Variants in SPAG16 observed in about 807,000 individuals in gnomAD.
The protein encoded by SPAG16 is sperm-associated antigen 16 protein.
A neutral mutation model predicts 80.4 loss-of-function variants in SPAG16; 86 were observed. The ratio of observed to expected loss-of-function variants is 1.07; its 90% CI spans 0.90 to 1.28. The LOEUF is 1.28. Among genes scored for constraint, SPAG16 ranks in the 50% most tolerant of loss-of-function variants. The pLI, the probability that SPAG16 is intolerant of heterozygous loss-of-function variation, is 0.00. For missense variants in SPAG16, 870 were observed against 765.3 expected, an observed-to-expected ratio of 1.14 and a Z score of -1.61; for synonymous variants, 294 against 265.9, an observed-to-expected ratio of 1.11 and a Z score of -1.03.
intron 13 of SPAG16, among the ~76,000 whole-genome samples, chr2:214,025,891 G>A (rs2048102056): frequency 6.6e-6 from 1 of 151,306 alleles, no homozygotes; most frequent in Non-Finnish European, 1.5e-5. Context: ...TAAATTTAAT[G>A]ATATAACAAA....
chr2:213,822,475 G>C lies in SPAG16; in HGVS notation c.1071-40010G>C, dbSNP rs538416773. Among the ~76,000 whole-genome samples, 11 of 152,110 alleles carry C rather than the reference G, an allele frequency of 7.2e-5. No individual in the cohort carries two copies. The South Asian group carries it at 2.1e-3, about 29-fold the overall frequency. ...GTTTGCAAATATTTTCTCCTATTCTGTTAGTTGACTCTTCACTGTGTTGAT... is the reference window on the plus strand; with the variant it reads ...GTTTGCAAATATTTTCTCCTATTCTCTTAGTTGACTCTTCACTGTGTTGAT... On this transcript the variant is annotated intron_variant, in intron 10 of 15. Transcript: ENST00000331683.
chr2:213,597,908 C>G (rs1172071440), intron 10 of SPAG16, among the ~76,000 whole-genome samples: 1 of 152,076 alleles, frequency 6.6e-6, no homozygotes, highest in Admixed American at 6.6e-5. Flanking sequence ...TTCTCTGAGG[C>G]TCTCCCTTTT....
chr2:214,002,776 A>G (rs896683297), intron 12 of SPAG16, among the ~76,000 whole-genome samples: 4 of 152,200 alleles, frequency 2.6e-5, no homozygotes, highest in Non-Finnish European at 5.9e-5. Flanking sequence ...TTTTAGTTAT[A>G]TTTATGCCCT....
intron 13 of SPAG16, among the ~76,000 whole-genome samples, chr2:214,066,215 C>CT (rs1341161254): frequency 2.6e-5 from 4 of 152,156 alleles, no homozygotes; most frequent in African/African-American, 7.2e-5. Context: ...CCACAGCCAC[C>CT]TTTCCTGGCT....
intron 10 of SPAG16, among the ~76,000 whole-genome samples, chr2:213,759,227 A>C (rs1384292207): frequency 6.6e-6 from 1 of 152,198 alleles, no homozygotes; most frequent in Non-Finnish European, 1.5e-5. Flanking sequence ...TAAAGAAATA[A>C]AGATCTTAAT....
chr2:213,950,103 T>A (rs2079671801), intron 12 of SPAG16, among the ~76,000 whole-genome samples: 1 of 152,214 alleles, frequency 6.6e-6, no homozygotes, highest in Admixed American at 6.5e-5. Flanking sequence ...TTCACCTGAA[T>A]ATTAAACTGT....
intron 9 of SPAG16, among the ~76,000 whole-genome samples, chr2:213,405,345 A>G (rs1268800032): frequency 1.3e-5 from 2 of 152,202 alleles, no homozygotes; most frequent in South Asian, 2.1e-4. Context: ...TTATACTATC[A>G]TGGATACATA....
At chr2:214,054,697 AATGT>A (rs1293230013) in intron 13 of SPAG16, among the ~76,000 whole-genome samples, 1 of 152,158 alleles carries the variant, frequency 6.6e-6, no homozygotes, top group Non-Finnish European at 1.5e-5. Context: ...TCTAAATCAA[AATGT>A]ATTTGTGTTC....
chr2:213,651,619 C>T (rs1162681403), intron 10 of SPAG16, among the ~76,000 whole-genome samples: 1 of 152,094 alleles, frequency 6.6e-6, no homozygotes, highest in Non-Finnish European at 1.5e-5. Flanking sequence ...CATATGACTA[C>T]TGCTTGGCTT....
chr2:214,252,299 A>AT (rs1690348485), intron 15 of SPAG16, among the ~76,000 whole-genome samples: 1 of 151,408 alleles, frequency 6.6e-6, no homozygotes, highest in African/African-American at 2.4e-5. Flanking sequence ...TTTTATTTTA[A>AT]TTTTTTATTA....
chr2:213,854,990 T>TA (rs1553644640), intron 10 of SPAG16, among the ~76,000 whole-genome samples: 1 of 152,240 alleles, frequency 6.6e-6, no homozygotes, highest in Non-Finnish European at 1.5e-5. Context: ...ACAGATAACA[T>TA]ATGGCCCATA....
chr2:213,812,541 T>C (rs923121085), intron 10 of SPAG16, among the ~76,000 whole-genome samples: 11 of 152,300 alleles, frequency 7.2e-5, no homozygotes, highest in Non-Finnish European at 1.0e-4. Context: ...TGGTAGCAGA[T>C]GTATGTTTAT....
At chr2:213,583,534 A>C (rs1259532111) in intron 10 of SPAG16, among the ~76,000 whole-genome samples, 1 of 152,160 alleles carries the variant, frequency 6.6e-6, no homozygotes, top group Non-Finnish European at 1.5e-5. Context: ...TGCTTCATAT[A>C]CTGCTAAATC....
At chr2:213,546,191 T>A (rs559597831) in intron 10 of SPAG16, among the ~76,000 whole-genome samples, 92 of 152,284 alleles carry the variant, frequency 6.0e-4, no homozygotes, top group Non-Finnish European at 1.1e-3. Context: ...ATGATTTTTT[T>A]AAATCCTCTT....
intron 10 of SPAG16, among the ~76,000 whole-genome samples, chr2:213,662,392 G>A (rs750048555): frequency 4.6e-5 from 7 of 152,214 alleles, no homozygotes; most frequent in African/African-American, 7.2e-5. Context: ...TGGAAAAAAC[G>A]AAAGGCAATA....
chr2:213,780,959 C>CTAG (rs1486585126), intron 10 of SPAG16, among the ~76,000 whole-genome samples: 13 of 152,066 alleles, frequency 8.5e-5, no homozygotes, highest in African/African-American at 3.1e-4. Flanking sequence ...ATTGGTAGTC[C>CTAG]ACAGAAGACT....
intron 11 of SPAG16, among the ~76,000 whole-genome samples, chr2:213,877,494 T>TTGTTGAGA (rs1329490046): frequency 2.6e-5 from 4 of 152,102 alleles, no homozygotes; most frequent in Admixed American, 6.6e-5. Context: ...ATCATATTTT[T>TTGTTGAGA]TGTTGAGATG....
intron 14 of SPAG16, among the ~76,000 whole-genome samples, chr2:214,148,269 T>A (rs1448214767): frequency 1.3e-5 from 2 of 152,044 alleles, no homozygotes; most frequent in African/African-American, 4.8e-5. Context: ...TGTCACAAAG[T>A]AGATGCTCAA....
chr2:213,820,197 C>T (rs950057219), intron 10 of SPAG16, among the ~76,000 whole-genome samples: 3 of 151,908 alleles, frequency 2.0e-5, no homozygotes, highest in African/African-American at 4.8e-5. Flanking sequence ...CTTCCAGCCT[C>T]CCAAGCAGCT....
Sources: gnomAD v4.1 joint callset for allele counts (sites outside exome capture counted in the v4.1 genomes callset) on GRCh38, gnomAD v4.1.1 for gene constraint, MANE v1.5 for transcripts, NCBI Gene and HGNC (gene_info 2026-07-23, HGNC 2026-07-21) for gene names.